WWOX: variants seen among roughly 807,000 people sequenced by gnomAD.
WWOX encodes the protein WW domain-containing oxidoreductase.
In WWOX, 69 loss-of-function variants were observed where a neutral mutation model predicts 46.2. The observed-to-expected ratio is 1.49, with a 90% CI of 1.23 to 1.82. WWOX has a LOEUF of 1.82. Ranked by LOEUF, WWOX falls within the 40% of genes most tolerant of loss-of-function variation. The pLI is 0.00. For missense variants in WWOX, 919 were observed against 542.6 expected (o/e 1.69, Z -6.89); for synonymous variants, 359 against 202.6 (o/e 1.77, Z -6.56).
At chr16:78,133,962 T>G (rs1379343401) in intron 4 of WWOX, among the ~76,000 whole-genome samples, 1 of 152,204 alleles carries the variant, frequency 6.6e-6, no homozygotes, top group Non-Finnish European at 1.5e-5. Context: ...TCTTAAGAGA[T>G]TTTGTGCCTC....
intron 8 of WWOX, among the ~76,000 whole-genome samples, chr16:78,942,336 A>G (rs576271985): frequency 6.6e-6 from 1 of 152,310 alleles, no homozygotes; most frequent in South Asian, 2.1e-4. Flanking sequence ...AAGCTGATTG[A>G]AAAGTCAAGA....
chr16:78,165,127 G>A (rs1426466230), intron 5 of WWOX, among the ~76,000 whole-genome samples: 1 of 152,214 alleles, frequency 6.6e-6, no homozygotes, highest in Non-Finnish European at 1.5e-5. Context: ...GTTGGGGGAT[G>A]GGTATCTGGT....
intron 8 of WWOX, among the ~76,000 whole-genome samples, chr16:79,167,054 C>G (rs139820401): frequency 5.3e-4 from 80 of 152,234 alleles, no homozygotes; most frequent in African/African-American, 1.9e-3. Context: ...AATTCTCATG[C>G]GTCAGCCTCC....
intron 5 of WWOX, among the ~76,000 whole-genome samples, chr16:78,361,159 C>T (rs2081402877): frequency 6.6e-6 from 1 of 152,222 alleles, no homozygotes; most frequent in South Asian, 2.1e-4. Flanking sequence ...TTACTTATTT[C>T]CTTCTTTCTG....
chr16:79,187,288 A>G (rs942745226), intron 8 of WWOX, among the ~76,000 whole-genome samples: 1 of 152,322 alleles, frequency 6.6e-6, no homozygotes, highest in African/African-American at 2.4e-5. Context: ...AGTGGTTATT[A>G]TTACTAGAAA....
chr16:78,226,389 AT>A lies in WWOX; in HGVS notation c.516+62110del, dbSNP rs201171182. Among the ~76,000 whole-genome samples, 43 of 149,942 alleles carry A rather than the reference AT, an allele frequency of 2.9e-4. No homozygotes were observed. The East Asian group carries it at 3.2e-3, about 11-fold the overall frequency. On this transcript the variant is annotated intron_variant, in intron 5 of 8. Coordinates refer to ENST00000566780, the MANE Select transcript of WWOX (RefSeq NM_016373.4). ...ATACTCTGGCAGAAAAACTTTAATG[AT>A]TTTTTTTTTCTGATGCTGCCTAGAA...
intron 7 of WWOX, among the ~76,000 whole-genome samples, 157 bp from the exon 8 acceptor site, chr16:78,432,331 C>G (rs1236284406): frequency 2.6e-5 from 4 of 152,086 alleles, no homozygotes; most frequent in Non-Finnish European, 2.9e-5. Flanking sequence ...GTCTTGAACT[C>G]CCGACCTCAG....
chr16:79,031,813 A>C (rs1411973329), intron 8 of WWOX, among the ~76,000 whole-genome samples: 1 of 131,600 alleles, frequency 7.6e-6, no homozygotes, highest in Non-Finnish European at 1.6e-5. Flanking sequence ...TCTATATAAT[A>C]TATATAATCT....
intron 8 of WWOX, among the ~76,000 whole-genome samples, chr16:78,880,424 A>C (rs1360626038): frequency 6.6e-6 from 1 of 152,204 alleles, no homozygotes; most frequent in Non-Finnish European, 1.5e-5. Context: ...TGAGTTACAA[A>C]TCCTCATTCG....
intron 8 of WWOX, among the ~76,000 whole-genome samples, chr16:78,975,406 G>T (rs1390826064): frequency 1.3e-5 from 2 of 151,944 alleles, no homozygotes; most frequent in Admixed American, 1.3e-4. Context: ...ACGTGGTCCT[G>T]GATGAAAATA....
At chr16:79,164,887 C>G (rs546819773) in intron 8 of WWOX, among the ~76,000 whole-genome samples, 3 of 152,084 alleles carry the variant, frequency 2.0e-5, no homozygotes, top group Non-Finnish European at 4.4e-5. Context: ...AAACACAAAC[C>G]AGGCAAACCC....
At chr16:78,877,391 T>TTGCCTTTGC (rs1355472801) in intron 8 of WWOX, among the ~76,000 whole-genome samples, 1 of 152,074 alleles carries the variant, frequency 6.6e-6, no homozygotes, top group Non-Finnish European at 1.5e-5. Context: ...CTCAGACGCT[T>TTGCCTTTGC]TGCCTTTGCT....
intron 8 of WWOX, among the ~76,000 whole-genome samples, chr16:78,946,280 T>C (rs958746764): frequency 2.6e-5 from 4 of 152,096 alleles, no homozygotes; most frequent in Admixed American, 6.5e-5. Flanking sequence ...AGCCTCCAAC[T>C]CCCGGCTCCA....
In WWOX at chr16:78,992,499, T is replaced by C. The variant is rs1463980580; in HGVS notation, c.1057-219109T>C. Among the ~76,000 whole-genome samples the C allele has an allele frequency of 2.6e-5, 4 of 152,226 alleles. No individual in the cohort carries two copies. In the East Asian group the frequency reaches 5.8e-4, roughly 22 times the overall value. ...CAAAACAAAACAAAAACAATTTGGC[T>C]CCAGTGAGCTCATTTTACGTTGTAT... On this transcript the variant is annotated intron_variant, in intron 8 of 8. Coordinates refer to ENST00000566780, the MANE Select transcript of WWOX (RefSeq NM_016373.4).
At chr16:79,141,403 C>G (rs908006266) in intron 8 of WWOX, among the ~76,000 whole-genome samples, 2 of 152,218 alleles carry the variant, frequency 1.3e-5, no homozygotes, top group African/African-American at 2.4e-5. Flanking sequence ...GGCTGTGTCA[C>G]AGGTGCACAT....
rs533127247 is a variant in WWOX, at chr16:78,624,472, C to G, written c.1056+191720C>G. ...TGACTCATATCTTATTTCCCACTTG[C>G]AATAAGAAAACCATTCAAATCTTTC... On this transcript the variant is annotated intron_variant, in intron 8 of 8. Transcript: ENST00000566780. Among the ~76,000 whole-genome samples the G allele has an allele frequency of 3.3e-5, 5 of 152,300 alleles. No individual in the cohort carries two copies. The South Asian group carries it at 8.3e-4, about 25-fold the overall frequency.
intron 8 of WWOX, among the ~76,000 whole-genome samples, chr16:78,953,801 C>A (rs1281805786): frequency 6.6e-6 from 1 of 152,202 alleles, no homozygotes; most frequent in Non-Finnish European, 1.5e-5. Context: ...TTCTACCTAC[C>A]CTGAGGTTCG....
chr16:78,205,878 T>TTCCTTCCTTCCTTCCG (rs2036376855), intron 5 of WWOX, among the ~76,000 whole-genome samples: 1 of 151,670 alleles, frequency 6.6e-6, no homozygotes, highest in African/African-American at 2.4e-5. Context: ...CCGTCCTCCC[T>TTCCTTCCTTCCTTCCG]TCCTCCCATC....
chr16:78,527,991 CTTTTTTTTTT>C (rs71140808), intron 8 of WWOX, among the ~76,000 whole-genome samples: 9 of 34,884 alleles, frequency 2.6e-4, no homozygotes, highest in East Asian at 2.0e-3. Context: ...GGTACATGTC[CTTTTTTTTTT>C]TTTTTTTTTT....
Sources: gnomAD v4.1 joint callset for allele counts (sites outside exome capture counted in the v4.1 genomes callset) on GRCh38, gnomAD v4.1.1 for gene constraint, MANE v1.5 for transcripts, NCBI Gene and HGNC (gene_info 2026-07-23, HGNC 2026-07-21) for gene names.